Variants in SLC12A7 observed in about 807,000 individuals in gnomAD.
SLC12A7 encodes the protein K-Cl cotransporter 4.
In SLC12A7, 100 loss-of-function variants were observed where a neutral mutation model predicts 120.6. The observed-to-expected ratio is 0.83, with a 90% CI of 0.71 to 0.98. The LOEUF is 0.98. Among genes scored for constraint, SLC12A7 ranks in the 50% least tolerant of loss-of-function variants. SLC12A7 has a pLI of 0.00. For synonymous variants in SLC12A7, 760 were observed against 678.0 expected (o/e 1.12, Z -1.88); for missense variants, 1,373 against 1,548.1 (o/e 0.89, Z 1.90).
intron 20 of SLC12A7, among the ~76,000 whole-genome samples, chr5:1,061,034 G>GCATCCGCCA (rs1450637735): frequency 7.0e-6 from 1 of 142,278 alleles, no homozygotes; most frequent in African/African-American, 2.7e-5. Flanking sequence ...CGCACCCGCC[G>GCATCCGCCA]TGCGGGATCC....
In SLC12A7 at chr5:1,093,510, GGGCACGGGCA is replaced by G. The variant is rs766247176; in HGVS notation, c.342+13_342+22del. On this transcript the variant is annotated intron_variant, in intron 3 of 23. Transcript: ENST00000264930. ...GGGACACACGGGGCGGGGACTGGGCGGGCACGGGCAGGGTGGCAGTACCTTGGCCTCCCGC... is the reference window on the plus strand; with the variant it reads ...GGGACACACGGGGCGGGGACTGGGCGGGGTGGCAGTACCTTGGCCTCCCGC... 4 of 1,582,942 alleles carry G rather than the reference GGGCACGGGCA, an allele frequency of 2.5e-6. No individual in the cohort carries two copies. In the East Asian group the frequency reaches 9.1e-5, roughly 36 times the overall value.
Position 1,093,664 on chromosome 5 carries a change from C to G in SLC12A7, c.220-9G>C. The G allele has an allele frequency of 6.2e-7, 1 of 1,612,592 alleles. No individual in the cohort carries two copies. Among genetic ancestry groups the G allele is most frequent in the Non-Finnish European group, 8.5e-7 (1 of 1,179,634 alleles). On this transcript the variant is annotated splice_polypyrimidine_tract_variant and intron_variant, in intron 2 of 23. Transcript: ENST00000264930. ...TTACTGTCCATCTCCTCCTGCGCGG[C>G]GTGGACATGGTCACAGGCGGCCCGC...
chr5:1,093,650 C>T lies in SLC12A7; in HGVS notation c.225G>A (p.Glu75=), dbSNP rs763879478. The T allele has an allele frequency of 6.2e-7, 1 of 1,612,986 alleles. No homozygotes were observed. Among genetic ancestry groups the T allele is most frequent in the Non-Finnish European group, 8.5e-7 (1 of 1,179,842 alleles). Residue 75 remains glutamate (E), a synonymous_variant, in exon 3 of 24, where the codon GAG becomes GAA. Transcript: ENST00000264930. The part of the protein sequence containing the change: ...EGKNMALFEE[E]MDSNPMVSSL... ...AGGACACCATGGGGTTACTGTCCAT[C>T]TCCTCCTGCGCGGCGTGGACATGGT... is the stretch of plus-strand genomic sequence containing the variant.
At chr5:1,147,208 C>G in the SLC12A7 span, among the ~76,000 whole-genome samples, 4 of 151,388 alleles carry the variant, frequency 2.6e-5, no homozygotes, top group African/African-American at 9.7e-5. Flanking sequence ...CCCACGGTGA[C>G]AGAAGGGAGG....
chr5:1,130,958 G>A, the SLC12A7 span, among the ~76,000 whole-genome samples: 3 of 152,170 alleles, frequency 2.0e-5, no homozygotes, highest in East Asian at 3.9e-4. Flanking sequence ...CACGTCGGAG[G>A]GTGGTCTGAG....
At chr5:1,124,337 C>T in the SLC12A7 span, among the ~76,000 whole-genome samples, 1 of 152,300 alleles carries the variant, frequency 6.6e-6, no homozygotes, top group South Asian at 2.1e-4. Flanking sequence ...TTTGCAGCTC[C>T]AGCGCCTGGT....
chr5:1,091,442 C>T (rs953900990), intron 3 of SLC12A7, among the ~76,000 whole-genome samples: 1 of 152,156 alleles, frequency 6.6e-6, no homozygotes, highest in African/African-American at 2.4e-5. Context: ...CCGGAGCACT[C>T]GGACCAGGCC....
the SLC12A7 span, among the ~76,000 whole-genome samples, chr5:1,145,060 G>A: frequency 1.3e-5 from 2 of 152,234 alleles, no homozygotes; most frequent in South Asian, 4.1e-4. This position sits in a 1 kb window ranked among gnomAD's most constrained non-coding sequence, Gnocchi z 4.4. Context: ...CGGCCAGGCC[G>A]GGCCTGGAGG....
chr5:1,076,368 G>C (rs868364146), intron 13 of SLC12A7, 132 bp from the exon 14 acceptor site: 4 of 409,580 alleles, frequency 9.8e-6, no homozygotes, highest in Non-Finnish European at 1.5e-5. Context: ...GTCTCTGCAC[G>C]TGAGCTGACT....
intron 21 of SLC12A7, among the ~76,000 whole-genome samples, chr5:1,059,224 C>G (rs1735935724): frequency 6.6e-6 from 1 of 152,238 alleles, no homozygotes; most frequent in Admixed American, 6.5e-5. Context: ...TGTCCTGCAT[C>G]TGTGCCCACC....
intron 18 of SLC12A7, among the ~76,000 whole-genome samples, chr5:1,064,754 A>AGACGGTGAAGGGACAGCAAGGG (rs1407623423): frequency 8.6e-6 from 1 of 115,750 alleles, no homozygotes; most frequent in Non-Finnish European, 1.8e-5. Context: ...GACGGCGAGG[A>AGACGGTGAAGGGACAGCAAGGG]GACGGTGAAG....
intron 3 of SLC12A7, among the ~76,000 whole-genome samples, chr5:1,092,315 C>T (rs1165255530): frequency 1.4e-4 from 21 of 152,242 alleles, no homozygotes; most frequent in Admixed American, 1.4e-3. Flanking sequence ...CGACGCAAAG[C>T]GCAGAGCCCA....
In SLC12A7 at chr5:1,078,756, G is replaced by A; in HGVS notation, c.1399C>T (p.Leu467Phe). The change falls in exon 11 of 24, where the codon CTC becomes TTC. Residue 467 changes from leucine to phenylalanine, a missense_variant and splice_region_variant. Leu to Phe is a conservative substitution (Grantham distance 22). Transcript: ENST00000264930. The part of the protein sequence containing the change: ...LAIVTTSFIY[L>F]SCIVLFGACI... ...GCCCCAAACAGCACAATGCAGGAGA[G>A]ATCCACAGCCCTCGTCAAGGAAAGG... The A allele has an allele frequency of 1.3e-6, 2 of 1,594,006 alleles. No individual in the cohort carries two copies. Among genetic ancestry groups the A allele is most frequent in the South Asian group, 2.2e-5 (2 of 90,804 alleles).
At position 1,066,834 on chromosome 5, in the gene SLC12A7, T is replaced by C. The variant is rs79198933; in HGVS notation, c.2242-1356A>G. Among the ~76,000 whole-genome samples the C allele has an allele frequency of 9.6e-3, 1,467 of 152,252 alleles. 21 individuals carry two copies. Among genetic ancestry groups the C allele is most frequent in the African/African-American group, 0.033 (1,389 of 41,544 alleles). On this transcript the variant is annotated intron_variant, in intron 17 of 23. Transcript: ENST00000264930. ...GGGAGACTCTGGAGGCAGCGTGGCC[T>C]GCGGTCTCCTTCATCTCAGACTCCT...
chr5:1,085,154 G>A, intron 7 of SLC12A7, 78 bp downstream of exon 7: 1 of 1,557,050 alleles, frequency 6.4e-7, no homozygotes, highest in Non-Finnish European at 8.7e-7. Flanking sequence ...CAAGGATGAT[G>A]GACGAGAGGC....
intron 17 of SLC12A7, among the ~76,000 whole-genome samples, chr5:1,069,601 G>A (rs1294986449): frequency 6.6e-6 from 1 of 152,208 alleles, no homozygotes; most frequent in Non-Finnish European, 1.5e-5. Context: ...GAAGGAGGAG[G>A]CTCGAGGCGC....
upstream of SLC12A7, among the ~76,000 whole-genome samples, chr5:1,116,534 C>T (rs977676587): frequency 7.2e-5 from 11 of 152,334 alleles, no homozygotes; most frequent in East Asian, 1.9e-4. Context: ...CAAGCTTGAG[C>T]GACAAAGCTC....
chr5:1,128,430 G>A, the SLC12A7 span, among the ~76,000 whole-genome samples: 1 of 152,220 alleles, frequency 6.6e-6, no homozygotes, highest in Non-Finnish European at 1.5e-5. Flanking sequence ...GACATCTCAC[G>A]CGGACCCAGT....
At chr5:1,081,844 G>C (rs1739162459) in intron 8 of SLC12A7, 100 bp from the exon 9 acceptor site, 1 of 1,419,782 alleles carries the variant, frequency 7.0e-7, no homozygotes, top group Non-Finnish European at 9.7e-7. Context: ...GGTGGCCGGA[G>C]GGGAAGGGTC....
Sources: allele counts gnomAD v4.1 joint callset (sites outside exome capture counted in the v4.1 genomes callset), GRCh38; gene constraint gnomAD v4.1.1; non-coding constraint Gnocchi (gnomAD v3.1); transcripts MANE v1.5; gene names NCBI Gene and HGNC (gene_info 2026-07-23, HGNC 2026-07-21).